FLI1: variants seen among roughly 807,000 people sequenced by gnomAD.
FLI1 encodes the protein Friend leukemia integration 1 transcription factor.
A neutral mutation model predicts 53.1 loss-of-function variants in FLI1; 13 were observed. That is an observed-to-expected ratio of 0.24 (90% confidence interval 0.16 to 0.39). FLI1 has a LOEUF of 0.39. Among genes scored for constraint, FLI1 ranks in the 10% least tolerant of loss-of-function variants. The pLI is 1.00. For synonymous variants in FLI1, 244 were observed against 236.7 expected, an observed-to-expected ratio of 1.03 and a Z score of -0.28; for missense variants, 424 against 600.5, an observed-to-expected ratio of 0.71 and a Z score of 3.07.
At chr11:128,787,259 T>G (rs1416198137) in intron 5 of FLI1, among the ~76,000 whole-genome samples, 1 of 152,164 alleles carries the variant, frequency 6.6e-6, no homozygotes, top group African/African-American at 2.4e-5. Context: ...TGCCCTCTGG[T>G]GCCATCACCA....
intron 5 of FLI1, among the ~76,000 whole-genome samples, chr11:128,791,527 G>A (rs926871155): frequency 3.3e-5 from 5 of 152,280 alleles, no homozygotes; most frequent in Admixed American, 6.5e-5. Flanking sequence ...CTTGTGAGAC[G>A]GGAAGCGTCT....
chr11:128,766,697 G>C (rs1941352796), intron 2 of FLI1, among the ~76,000 whole-genome samples: 1 of 151,776 alleles, frequency 6.6e-6, no homozygotes, highest in Non-Finnish European at 1.5e-5. Flanking sequence ...GGATGGGTGG[G>C]TCCCTATCTG....
intron 1 of FLI1, among the ~76,000 whole-genome samples, chr11:128,739,113 T>C (rs757349924): frequency 6.6e-6 from 1 of 152,122 alleles, no homozygotes; most frequent in Non-Finnish European, 1.5e-5. Flanking sequence ...ACTCACTCTC[T>C]GGAGGCTTCA....
intron 1 of FLI1, among the ~76,000 whole-genome samples, chr11:128,744,242 C>T (rs1940275250): frequency 6.6e-6 from 1 of 152,170 alleles, no homozygotes; most frequent in Non-Finnish European, 1.5e-5. Flanking sequence ...TTTCCTGGAA[C>T]AACAGCATAA....
At chr11:128,693,908 C>A, upstream of FLI1, 1 of 242,198 alleles carries the variant, frequency 4.1e-6, no homozygotes, top group Non-Finnish European at 7.5e-6. Context: ...CGAGGGAGAG[C>A]AGAGGGGAGA....
At chr11:128,805,478 G>T in intron 6 of FLI1, 47 bp downstream of exon 6, 1 of 1,197,010 alleles carries the variant, frequency 8.4e-7, no homozygotes, top group South Asian at 1.3e-5. Flanking sequence ...TGTTTCTGAG[G>T]ACAGGATTGG....
At chr11:128,756,951 C>T (rs184510074) in intron 1 of FLI1, among the ~76,000 whole-genome samples, 29 of 152,266 alleles carry the variant, frequency 1.9e-4, no homozygotes, top group Admixed American at 2.6e-4. Context: ...GGCACGATCA[C>T]GGCTCACTGC....
At chr11:128,696,410 A>G in intron 1 of FLI1, among the ~76,000 whole-genome samples, 1 of 152,194 alleles carries the variant, frequency 6.6e-6, no homozygotes, top group South Asian at 2.1e-4. Flanking sequence ...CTGTTCCCAC[A>G]ATAGTTCAAA....
chr11:128,704,977 A>C (rs762819377), intron 1 of FLI1, among the ~76,000 whole-genome samples: 2 of 152,354 alleles, frequency 1.3e-5, no homozygotes, highest in East Asian at 3.9e-4. Context: ...TAATATTTCC[A>C]TTTTGAAGAG....
chr11:128,717,114 T>G (rs538108980), intron 1 of FLI1, among the ~76,000 whole-genome samples: 7 of 152,210 alleles, frequency 4.6e-5, no homozygotes, highest in Admixed American at 4.6e-4. Flanking sequence ...CACGCTGCTC[T>G]GGGGAGAATG....
In FLI1 at chr11:128,730,061, G is replaced by A. The variant is rs185322933; in HGVS notation, c.19-28054G>A. ...TTGCCAGAGCTAGCCAACTGAGTTAGCAAGGGAAGTTTCAGGAAACAGAAA... is the reference window on the plus strand; with the variant it reads ...TTGCCAGAGCTAGCCAACTGAGTTAACAAGGGAAGTTTCAGGAAACAGAAA... On this transcript the variant is annotated intron_variant, in intron 1 of 8. Transcript: ENST00000527786. Among the ~76,000 whole-genome samples the A allele has an allele frequency of 4.1e-3, 631 of 152,262 alleles. 2 individuals carry two copies. Among genetic ancestry groups the A allele is most frequent in the African/African-American group, 0.014 (597 of 41,548 alleles).
At chr11:128,698,733 T>A (rs4937371) in intron 1 of FLI1, among the ~76,000 whole-genome samples, 1,845 of 133,808 alleles carry the variant, frequency 0.014, 31 homozygotes, top group Non-Finnish European at 0.013. Context: ...TGTGTGTGTG[T>A]GAGAGAGAGA....
chr11:128,775,564 G>A (rs190607502), intron 4 of FLI1, among the ~76,000 whole-genome samples: 3 of 152,336 alleles, frequency 2.0e-5, no homozygotes, highest in Admixed American at 6.5e-5. Context: ...ATGGGCTGGC[G>A]ATCGTGTCTG....
In FLI1 at chr11:128,720,469, C is replaced by T. The variant is rs557882118; in HGVS notation, c.18+26193C>T. 2.6e-5 allele frequency among the ~76,000 whole-genome samples: 4 copies of T among 152,248 alleles called. No homozygotes were observed. In the South Asian group the frequency reaches 8.3e-4, roughly 32 times the overall value. ...GACGATGTTTAAAAAGTCACAAAGT[C>T]CCCCTAGAGTCATAAAACCAGAAAC... On this transcript the variant is annotated intron_variant, in intron 1 of 8. Transcript: ENST00000527786.
chr11:128,724,242 G>A (rs1342806448), intron 1 of FLI1, among the ~76,000 whole-genome samples: 2 of 152,112 alleles, frequency 1.3e-5, no homozygotes, highest in African/African-American at 4.8e-5. Flanking sequence ...ACCGTGCCTG[G>A]CCTGGAGTTG....
intron 5 of FLI1, among the ~76,000 whole-genome samples, chr11:128,794,936 C>T (rs1404218220): frequency 6.6e-6 from 1 of 152,090 alleles, no homozygotes; most frequent in African/African-American, 2.4e-5. Flanking sequence ...ATTAGCCAGG[C>T]ATGGTGGCAC....
chr11:128,811,262 A>G lies in FLI1; in HGVS notation c.*274A>G. On this transcript the variant is annotated 3_prime_UTR_variant, in exon 9 of 9. Transcript: ENST00000527786. Reference sequence around the variant, plus strand: ...AGCATCTTGTGAGTTGCATATTAAGATTACTGGAATGGTTAAGTCATGGTT... The same window carrying G: ...AGCATCTTGTGAGTTGCATATTAAGGTTACTGGAATGGTTAAGTCATGGTT... 1 of 495,084 alleles carries G rather than the reference A, an allele frequency of 2.0e-6. No homozygotes were observed. Among genetic ancestry groups the G allele is most frequent in the South Asian group, 2.6e-5 (1 of 38,970 alleles). The allele number at this position is 495,084 out of a possible 1,614,324, so 30.7% of individuals were successfully genotyped here.
intron 3 of FLI1, 65 bp downstream of exon 3, chr11:128,768,337 A>G (rs538227427): frequency 3.8e-5 from 60 of 1,583,638 alleles, no homozygotes; most frequent in Admixed American, 2.7e-4. Flanking sequence ...GGCAGGGAGC[A>G]TCTAAACCTT....
At chr11:128,703,197 A>C (rs1005589448) in intron 1 of FLI1, among the ~76,000 whole-genome samples, 1 of 152,252 alleles carries the variant, frequency 6.6e-6, no homozygotes, top group Non-Finnish European at 1.5e-5. Flanking sequence ...CATGTTGGAA[A>C]GAGTAAAGGA....
Sources: gnomAD v4.1 joint callset for allele counts (sites outside exome capture counted in the v4.1 genomes callset) on GRCh38, gnomAD v4.1.1 for gene constraint, MANE v1.5 for transcripts, NCBI Gene and HGNC (gene_info 2026-07-23, HGNC 2026-07-21) for gene names.